Variants in ALK observed in about 807,000 individuals in gnomAD.
ALK encodes ALK receptor tyrosine kinase.
Under a neutral mutation model 163.1 loss-of-function variants are expected in ALK, and 74 were observed. The observed-to-expected ratio is 0.45, with a 90% confidence interval of 0.38 to 0.55. The LOEUF (loss-of-function observed/expected upper bound fraction) is 0.55. Among genes scored for constraint, ALK ranks in the 20% least tolerant of loss-of-function variants. The probability of loss-of-function intolerance (pLI) is 0.00; values close to 1 mark genes in which losing one functional copy is unlikely to be tolerated. For synonymous variants in ALK, 960 were observed against 843.2 expected, an observed-to-expected ratio of 1.14 and a Z score of -2.40; for missense variants, 2,063 against 2,105.3, an observed-to-expected ratio of 0.98 and a Z score of 0.39.
intron 5 of ALK, among the ~76,000 whole-genome samples, chr2:29,379,547 A>T (rs1464775801): frequency 6.6e-6 from 1 of 152,232 alleles, no homozygotes; most frequent in Non-Finnish European, 1.5e-5. Flanking sequence ...ATTTAGATGT[A>T]GAGTATAAAG....
intron 4 of ALK, among the ~76,000 whole-genome samples, chr2:29,448,548 G>T (rs762335169): frequency 2.0e-5 from 3 of 152,188 alleles, no homozygotes; most frequent in African/African-American, 4.8e-5. Flanking sequence ...TCCTGGAACA[G>T]CAGACACTGA....
intron 3 of ALK, among the ~76,000 whole-genome samples, chr2:29,684,098 C>T (rs544558398): frequency 2.0e-4 from 30 of 152,198 alleles, no homozygotes; most frequent in Non-Finnish European, 3.2e-4. Flanking sequence ...TGCAAGGTCC[C>T]GGCTTTCTTT....
intron 11 of ALK, among the ~76,000 whole-genome samples, chr2:29,271,097 G>C (rs2148212254): frequency 6.6e-6 from 1 of 152,260 alleles, no homozygotes; most frequent in Non-Finnish European, 1.5e-5. Context: ...AGTAGGCTTG[G>C]CCGGACCTGC....
chr2:29,325,876 G>A (rs982138833), intron 6 of ALK, among the ~76,000 whole-genome samples: 1 of 152,226 alleles, frequency 6.6e-6, no homozygotes, highest in Non-Finnish European at 1.5e-5. Flanking sequence ...GTAAGCTGGT[G>A]TTGTTGCTGT....
At position 29,893,640 on chromosome 2, in the gene ALK, C is replaced by T. The variant is rs180748769; in HGVS notation, c.667+26353G>A. 1.9e-3 allele frequency among the ~76,000 whole-genome samples: 285 copies of T among 152,184 alleles called. 2 individuals are homozygous for T. The highest frequency in any genetic ancestry group is 6.6e-3 in the African/African-American group (273 of 41,530). ...TTAGGTCCTGTTCAGGTCTGAATTC[C>T]CTGGTATACAATCCTGCCTCTAATA... is the stretch of plus-strand genomic sequence containing the variant. On this transcript the variant is annotated intron_variant, in intron 1 of 28. Transcript: ENST00000389048.
chr2:29,244,515 T>C (rs1400275131), intron 12 of ALK, among the ~76,000 whole-genome samples: 3 of 152,204 alleles, frequency 2.0e-5, no homozygotes, highest in South Asian at 2.1e-4. Flanking sequence ...GCAAGGTTCA[T>C]GGTCTGTTTC....
rs566168501 is a variant in ALK at position 29,765,093 on chromosome 2, C to T, written c.668-47396G>A. Among the ~76,000 whole-genome samples, 18 of 152,248 alleles carry T rather than the reference C, an allele frequency of 1.2e-4. No individual in the cohort carries two copies. In the East Asian group the frequency reaches 3.5e-3, roughly 29 times the overall value. Reference sequence around the variant, plus strand: ...TGCTATGATTATAAGTTTCCTGAGGCCTCCCCAGAAGCAGAAGCCAATATG... The same window carrying T: ...TGCTATGATTATAAGTTTCCTGAGGTCTCCCCAGAAGCAGAAGCCAATATG... On this transcript the variant is annotated intron_variant, in intron 1 of 28. Transcript: ENST00000389048.
intron 4 of ALK, among the ~76,000 whole-genome samples, chr2:29,400,174 G>A (rs1018546353): frequency 5.3e-5 from 8 of 151,922 alleles, no homozygotes; most frequent in East Asian, 1.9e-4. Context: ...ATTTTTTTTC[G>A]TTCATTTTCA....
At position 29,337,057 on chromosome 2, in the gene ALK, C is replaced by T. The variant is rs1451318806; in HGVS notation, c.1283-8576G>A. Among the ~76,000 whole-genome samples the T allele has an allele frequency of 2.0e-5, 3 of 152,252 alleles. No individual in the cohort carries two copies. In the East Asian group the frequency reaches 5.8e-4, roughly 29 times the overall value. On this transcript the variant is annotated intron_variant, in intron 5 of 28. Coordinates refer to ENST00000389048, the MANE Select transcript of ALK (RefSeq NM_004304.5). The stretch of plus-strand genomic sequence containing the variant: ...AATCAGGCTCTCAACAGCCTCAAGA[C>T]ATGAAAATGGATGGTGACATGATGA...
intron 3 of ALK, among the ~76,000 whole-genome samples, chr2:29,633,589 T>C (rs184757051): frequency 1.6e-3 from 246 of 151,076 alleles, no homozygotes; most frequent in African/African-American, 5.6e-3. Flanking sequence ...TCAATGAAAT[T>C]GAAAACATAA....
At chr2:29,270,537 G>A (rs371416607) in intron 11 of ALK, among the ~76,000 whole-genome samples, 2 of 152,320 alleles carry the variant, frequency 1.3e-5, no homozygotes, top group Non-Finnish European at 2.9e-5. Context: ...TTCCTTGAGG[G>A]ATGGTTAAAA....
intron 4 of ALK, among the ~76,000 whole-genome samples, chr2:29,513,116 C>A (rs1176865462): frequency 6.6e-6 from 1 of 151,204 alleles, no homozygotes; most frequent in East Asian, 1.9e-4. Flanking sequence ...ATCAAGCTAC[C>A]AATGACTTTC....
At position 29,837,455 on chromosome 2, in the gene ALK, A is replaced by C. The variant is rs1213102068; in HGVS notation, c.667+82538T>G. On this transcript the variant is annotated intron_variant, in intron 1 of 28. Coordinates refer to ENST00000389048, the MANE Select transcript of ALK (RefSeq NM_004304.5). ...GCACATGTGCAGTATAAGACTTCAC[A>C]GAGCCAGGAAAATATCTACTAGAGA... Among the ~76,000 whole-genome samples the C allele has an allele frequency of 4.6e-5, 7 of 152,344 alleles. No homozygotes were observed. The East Asian group carries it at 1.4e-3, about 29-fold the overall frequency.
At chr2:29,834,989 G>A (rs1415703283) in intron 1 of ALK, among the ~76,000 whole-genome samples, 1 of 152,192 alleles carries the variant, frequency 6.6e-6, no homozygotes, top group Non-Finnish European at 1.5e-5. Context: ...TGCCCCATTA[G>A]ACAAGCTCGC....
intron 5 of ALK, among the ~76,000 whole-genome samples, chr2:29,341,077 C>T (rs1485614155): frequency 6.6e-6 from 1 of 152,194 alleles, no homozygotes; most frequent in Non-Finnish European, 1.5e-5. Flanking sequence ...GTGAATAATG[C>T]TTTTTAATAA....
intron 1 of ALK, among the ~76,000 whole-genome samples, chr2:29,756,845 G>A (rs1253868565): frequency 6.6e-6 from 1 of 152,146 alleles, no homozygotes; most frequent in African/African-American, 2.4e-5. Flanking sequence ...CTTCAAATAT[G>A]TGCCAGTCAC....
chr2:29,220,982 C>A (rs2148167109), intron 22 of ALK, 147 bp from the exon 23 acceptor site: 1 of 1,158,894 alleles, frequency 8.6e-7, no homozygotes, highest in Admixed American at 2.0e-5. Flanking sequence ...GGGTCCCGGG[C>A]TGAGCCTAAA....
intron 1 of ALK, among the ~76,000 whole-genome samples, chr2:29,908,473 A>C (rs1436059273): frequency 2.6e-5 from 4 of 152,168 alleles, no homozygotes; most frequent in Non-Finnish European, 5.9e-5. Flanking sequence ...CACTCTCTCC[A>C]AGACCCTATT....
At chr2:29,320,943 T>G in intron 6 of ALK, 61 bp from the exon 7 acceptor site, 1 of 1,611,062 alleles carries the variant, frequency 6.2e-7, no homozygotes, top group Non-Finnish European at 8.5e-7. Context: ...AATATGCCAA[T>G]GCCAAGTCGA....
Sources: gnomAD v4.1 joint callset for allele counts (sites outside exome capture counted in the v4.1 genomes callset) on GRCh38, gnomAD v4.1.1 for gene constraint, MANE v1.5 for transcripts, NCBI Gene and HGNC (gene_info 2026-07-23, HGNC 2026-07-21) for gene names.